The following JPH1 variants were observed in gnomAD, a reference collection of about 807,000 sequenced individuals.
JPH1 encodes the protein junctophilin-1.
JPH1 carries 12 observed loss-of-function variants against 53.6 expected under a neutral mutation model. That is an observed-to-expected ratio of 0.22 (90% CI 0.14 to 0.36). The LOEUF is 0.36. Among genes scored for constraint, JPH1 ranks in the 10% least tolerant of loss-of-function variants. The pLI, the probability that JPH1 is intolerant of heterozygous loss-of-function variation, is 1.00. For missense variants in JPH1, 808 were observed against 905.5 expected (o/e 0.89, Z 1.38); for synonymous variants, 375 against 363.8 (o/e 1.03, Z -0.35).
At chr8:74,241,713 T>A (rs190016105) in intron 4 of JPH1, among the ~76,000 whole-genome samples, 8 of 152,332 alleles carry the variant, frequency 5.3e-5, no homozygotes, top group Admixed American at 2.0e-4. Flanking sequence ...TTTAATTATA[T>A]ATATTTACCT....
At chr8:74,294,231 C>T (rs1807432346) in intron 2 of JPH1, among the ~76,000 whole-genome samples, 1 of 152,184 alleles carries the variant, frequency 6.6e-6, no homozygotes, top group Non-Finnish European at 1.5e-5. Context: ...GATAAAGTTC[C>T]CCACGTGCCA....
chr8:74,296,412 A>T (rs1405368392), intron 2 of JPH1, among the ~76,000 whole-genome samples: 1 of 152,236 alleles, frequency 6.6e-6, no homozygotes, highest in Non-Finnish European at 1.5e-5. Context: ...TTTATGCTTA[A>T]CTATTGGGAA....
intron 2 of JPH1, among the ~76,000 whole-genome samples, chr8:74,275,071 G>C (rs536779767): frequency 1.3e-5 from 2 of 152,088 alleles, no homozygotes; most frequent in Non-Finnish European, 2.9e-5. Flanking sequence ...TACTACCCAA[G>C]CAAGTAGTAA....
chr8:74,288,113 T>C (rs1283203751), intron 2 of JPH1, among the ~76,000 whole-genome samples: 1 of 152,194 alleles, frequency 6.6e-6, no homozygotes, highest in Non-Finnish European at 1.5e-5. Context: ...CTGGACTCAG[T>C]ACAATATTGT....
Position 74,320,717 on chromosome 8 carries a change from C to T in JPH1, c.379+192G>A, listed in dbSNP as rs1302327162. On this transcript the variant is annotated intron_variant, in intron 1 of 5. Transcript: ENST00000342232. This position sits in a 1 kb window ranked among gnomAD's most constrained non-coding sequence, Gnocchi z 4.4. Reference sequence around the variant, plus strand: ...TCCAAGAACGGGGTCAGATCCAGCCCTCGCGCCCCAGTCCGGTCCCAGCGC... The same window carrying T: ...TCCAAGAACGGGGTCAGATCCAGCCTTCGCGCCCCAGTCCGGTCCCAGCGC... 6.6e-6 allele frequency among the ~76,000 whole-genome samples: 1 copy of T among 152,182 alleles called. No individual in the cohort carries two copies. Among genetic ancestry groups the T allele is most frequent in the Non-Finnish European group, 1.5e-5 (1 of 68,026 alleles).
At chr8:74,291,867 T>C (rs1186593668) in intron 2 of JPH1, among the ~76,000 whole-genome samples, 2 of 152,160 alleles carry the variant, frequency 1.3e-5, no homozygotes, top group Non-Finnish European at 2.9e-5. Flanking sequence ...TGAGTTCATG[T>C]CCTTTGTAGG....
chr8:74,317,387 G>A (rs1277410838), intron 1 of JPH1, among the ~76,000 whole-genome samples: 1 of 152,268 alleles, frequency 6.6e-6, no homozygotes, highest in East Asian at 1.9e-4. Context: ...GTGGCCCACA[G>A]TTTTCTCTGA....
At chr8:74,268,717 A>G (rs1418459070) in intron 2 of JPH1, among the ~76,000 whole-genome samples, 3 of 152,192 alleles carry the variant, frequency 2.0e-5, no homozygotes, top group Non-Finnish European at 4.4e-5. Flanking sequence ...TTGTTCACAT[A>G]TCAGTGTTGT....
chr8:74,303,375 C>T (rs1021855750), intron 2 of JPH1, among the ~76,000 whole-genome samples: 1 of 152,178 alleles, frequency 6.6e-6, no homozygotes, highest in Admixed American at 6.5e-5. Context: ...TCTGAGTAAA[C>T]AGTACCACCA....
chr8:74,295,406 C>G (rs1474974586), intron 2 of JPH1, among the ~76,000 whole-genome samples: 1 of 152,178 alleles, frequency 6.6e-6, no homozygotes, highest in Non-Finnish European at 1.5e-5. Context: ...CAGCCCAGAA[C>G]ACTCTGAGGA....
chr8:74,276,251 G>C (rs1463208316), intron 2 of JPH1, among the ~76,000 whole-genome samples: 6 of 152,136 alleles, frequency 3.9e-5, no homozygotes, highest in Admixed American at 3.9e-4. Context: ...GTGACAGATG[G>C]AACAGGTCCC....
intron 2 of JPH1, among the ~76,000 whole-genome samples, chr8:74,270,685 G>A (rs1454177453): frequency 6.6e-6 from 1 of 152,136 alleles, no homozygotes; most frequent in African/African-American, 2.4e-5. Flanking sequence ...AGCCAACTAA[G>A]TACAAGAATC....
intron 2 of JPH1, 138 bp from the exon 3 acceptor site, chr8:74,259,641 C>T (rs367797428): frequency 1.7e-6 from 1 of 590,908 alleles, no homozygotes; most frequent in Non-Finnish European, 3.0e-6. Flanking sequence ...ATTTTAGAGT[C>T]CTATTGCCGT....
intron 2 of JPH1, among the ~76,000 whole-genome samples, chr8:74,292,590 A>G (rs1807366630): frequency 6.6e-6 from 1 of 152,246 alleles, no homozygotes; most frequent in Non-Finnish European, 1.5e-5. Flanking sequence ...AGACACACTT[A>G]CAAACGGGTA....
At chr8:74,313,921 C>T (rs1362566893) in intron 2 of JPH1, among the ~76,000 whole-genome samples, 2 of 152,158 alleles carry the variant, frequency 1.3e-5, no homozygotes, top group Admixed American at 6.5e-5. Context: ...GATATCCTTC[C>T]CTAATAGAAC....
chr8:74,238,567 TGC>T (rs1456740113), intron 4 of JPH1, among the ~76,000 whole-genome samples: 1 of 152,212 alleles, frequency 6.6e-6, no homozygotes, highest in African/African-American at 2.4e-5. Context: ...ATGTACCCAG[TGC>T]ACAGACACGT....
rs186647877 is a variant in JPH1 at position 74,267,986 on chromosome 8, T to C, written c.1140-8483A>G. ...AAGGAGCCTAAGCTCAAAAAAGACCTAAAGTGTTGTGGGCTTTGGAACCAG... is the reference window on the plus strand; with the variant it reads ...AAGGAGCCTAAGCTCAAAAAAGACCCAAAGTGTTGTGGGCTTTGGAACCAG... On this transcript the variant is annotated intron_variant, in intron 2 of 5. Coordinates refer to ENST00000342232, the MANE Select transcript of JPH1 (RefSeq NM_020647.4). Among the ~76,000 whole-genome samples the C allele has an allele frequency of 2.3e-3, 349 of 152,288 alleles. 1 individual carries two copies. Among genetic ancestry groups the C allele is most frequent in the Non-Finnish European group, 2.1e-3 (146 of 68,012 alleles).
At position 74,314,892 on chromosome 8, in the gene JPH1, C is replaced by T. The variant is rs1808095969; in HGVS notation, c.1108G>A (p.Ala370Thr). 2 of 1,614,222 alleles carry T rather than the reference C, an allele frequency of 1.2e-6. No individual in the cohort carries two copies. Among genetic ancestry groups the T allele is most frequent in the Non-Finnish European group, 1.7e-6 (2 of 1,180,048 alleles). ...IEGAQRAAAM[A>T]RTKVEIANSR... The stretch of plus-strand genomic sequence containing the variant: ...TTTGCTATTTCCACTTTGGTTCTGG[C>T]CATGGCAGCTGCCCTTTGGGCGCCT... Residue 370 changes from alanine (A) to threonine (T), a missense_variant, in exon 2 of 6, where the codon GCC becomes ACC. Around this residue, in one of 2 missense-constraint regions of JPH1, gnomAD observed 756 missense variants for 811.9 expected, o/e 0.93. Transcript: ENST00000342232.
intron 2 of JPH1, among the ~76,000 whole-genome samples, chr8:74,301,335 C>G (rs1197596098): frequency 1.3e-5 from 2 of 152,186 alleles, no homozygotes; most frequent in African/African-American, 2.4e-5. Flanking sequence ...AGCTCCCAAA[C>G]CTTGGGAATT....
Sources: allele counts gnomAD v4.1 joint callset (sites outside exome capture counted in the v4.1 genomes callset), GRCh38; gene constraint gnomAD v4.1.1; regional missense constraint gnomAD v4.1.1; non-coding constraint Gnocchi (gnomAD v3.1); transcripts MANE v1.5; gene names NCBI Gene and HGNC (gene_info 2026-07-23, HGNC 2026-07-21).